Variants in MSH5 observed in about 807,000 individuals in gnomAD.
MSH5 encodes the protein mutS protein homolog 5.
In MSH5, 78 loss-of-function variants were observed where a neutral mutation model predicts 107.7. That is an observed-to-expected ratio of 0.72 (90% CI 0.60 to 0.87). The LOEUF (loss-of-function observed/expected upper bound fraction) is 0.87, where lower values mean the gene tolerates loss of function less well. MSH5 is among the 40% of genes least tolerant of loss of function. The pLI, the probability that MSH5 is intolerant of heterozygous loss-of-function variation, is 0.00. For missense variants in MSH5, 889 were observed against 1,046.6 expected, an observed-to-expected ratio of 0.85 and a Z score of 2.08; for synonymous variants, 326 against 399.5, an observed-to-expected ratio of 0.82 and a Z score of 2.19.
Position 31,758,561 on chromosome 6 carries a change from G to A in MSH5, c.1157G>A (p.Gly386Asp). The change falls in exon 14 of 25, where the codon GGC becomes GAC. Residue 386 changes from glycine (G) to aspartate (D), a missense_variant. Coordinates refer to ENST00000375750, the MANE Select transcript of MSH5 (RefSeq NM_172166.4). This position sits in a 1 kb window ranked among gnomAD's most constrained non-coding sequence, Gnocchi z 5.1. ...SLIGKVVDFE[G>D]SLAENRFTVL... ...TTATCTCCTCAGGTGGACTTTGAGG[G>A]CAGCCTTGCTGAAAATCGCTTCACA... 6.2e-7 allele frequency: 1 copy of A among 1,613,446 alleles called. No homozygotes were observed. The highest frequency in any genetic ancestry group is 1.3e-5 in the African/African-American group (1 of 75,002).
Position 31,762,647 on chromosome 6 carries a change from A to G in MSH5, c.*116A>G. The G allele has an allele frequency of 1.6e-6, 1 of 642,634 alleles. No homozygotes were observed. Among genetic ancestry groups the G allele is most frequent in the Non-Finnish European group, 2.7e-6 (1 of 365,990 alleles). The allele number at this position is 642,634 out of a possible 1,614,324, so 39.8% of individuals were successfully genotyped here. On this transcript the variant is annotated 3_prime_UTR_variant, in exon 25 of 25. Coordinates refer to ENST00000375750, the MANE Select transcript of MSH5 (RefSeq NM_172166.4). ...TTAGTTTCTCTAGAAATTTTGTTTC[A>G]TATTAGGAATAAAGTTTATTTTGAA...
intron 8 of MSH5, 58 bp downstream of exon 8, chr6:31,744,639 C>T (rs1809246388): frequency 1.2e-5 from 19 of 1,554,528 alleles, no homozygotes; most frequent in Non-Finnish European, 1.6e-5. Context: ...AAGTTTAATG[C>T]CCCAATAATC....
In MSH5 at chr6:31,745,320, G is replaced by A. The variant is rs915579566; in HGVS notation, c.766+1G>A. On this transcript the variant is annotated splice_donor_variant, in intron 9 of 24. Coordinates refer to ENST00000375750, the MANE Select transcript of MSH5 (RefSeq NM_172166.4). LOFTEE classifies it high-confidence loss of function. ...CTGAAGGAGGGGCTCAGCCTCTTTG[G>A]TAGGTGTGCCCCATCCCTCATCTCA... 1.2e-6 allele frequency: 2 copies of A among 1,607,866 alleles called. No homozygotes were observed. Among genetic ancestry groups the A allele is most frequent in the African/African-American group, 1.3e-5 (1 of 74,672 alleles).
chr6:31,743,255 C>T, intron 5 of MSH5, 85 bp downstream of exon 5: 4 of 1,403,278 alleles, frequency 2.9e-6, no homozygotes, highest in Non-Finnish European at 4.0e-6. Context: ...TCACAGATCT[C>T]CCCTCTGCCT....
chr6:31,744,491 T>A (rs141362221), intron 7 of MSH5, 55 bp from the exon 8 acceptor site: 9 of 1,589,550 alleles, frequency 5.7e-6, no homozygotes, highest in Non-Finnish European at 7.8e-6. Context: ...ACAAAGGAAG[T>A]GGAGTTGTGG....
intron 10 of MSH5, among the ~76,000 whole-genome samples, chr6:31,751,153 G>A (rs528197757): frequency 2.0e-5 from 3 of 152,092 alleles, no homozygotes; most frequent in South Asian, 2.1e-4. Context: ...CCGCCAACAC[G>A]CCCGGCTAAT....
intron 12 of MSH5, chr6:31,757,709 C>G (rs1460055305): frequency 1.1e-5 from 2 of 178,092 alleles, no homozygotes; most frequent in Admixed American, 1.2e-4. Flanking sequence ...GAGTCTCGCT[C>G]TGTCGGCCAG....
In MSH5 at chr6:31,758,395, A is replaced by C; in HGVS notation, c.1143+102A>C. ...GAAGATATTGAGGTCAATTGGATAA[A>C]GAATGGGATGGTGGGAGGAGGCAGC... is the stretch of plus-strand genomic sequence containing the variant. On this transcript the variant is annotated intron_variant, in intron 13 of 24. Coordinates refer to ENST00000375750, the MANE Select transcript of MSH5 (RefSeq NM_172166.4). The surrounding 1 kb of genome is among the most constrained non-coding windows in gnomAD (Gnocchi z 5.1). The C allele has an allele frequency of 6.4e-7, 1 of 1,574,498 alleles. No individual in the cohort carries two copies.
chr6:31,740,539 C>A lies in MSH5; in HGVS notation c.73C>A (p.Pro25Thr). ...PRPGAASSGF[P>T]SPAPVPGPRE... is the part of the protein sequence containing the mutation. The stretch of plus-strand genomic sequence containing the variant: ...ACCTGGGGCGGCCTCCTCCGGCTTC[C>A]CCAGCCCGGCCCCAGTGCCGGGCCC... Residue 25 changes from proline (P) to threonine (T), a missense_variant, in exon 2 of 25, where the codon CCC becomes ACC. Physicochemically the swap from Pro to Thr is conservative, Grantham distance 38. Around this residue, in one of 3 missense-constraint regions of MSH5, gnomAD observed 518 missense variants for 565.0 expected, o/e 0.92. Transcript: ENST00000375750. This position sits in a 1 kb window ranked among gnomAD's most constrained non-coding sequence, Gnocchi z 4.4. 6.5e-7 allele frequency: 1 copy of A among 1,532,598 alleles called. No homozygotes were observed. The highest frequency in any genetic ancestry group is 8.8e-7 in the Non-Finnish European group (1 of 1,140,474). 94.9% of individuals were successfully genotyped at this position (1,532,598 alleles called of 1,614,324 possible). A position where few individuals can be genotyped will look rare whatever the true frequency, so the allele number is the denominator to read the frequency against.
chr6:31,761,865 G>A lies in MSH5; in HGVS notation c.2229G>A (p.Gln743=). ...GCAACGATCTTGTCTTCTTCTATCA[G>A]GTTTGCGAAGGTGTTGCGAAGGCCA... ...EDGNDLVFFY[Q]VCEGVAKASH... Residue 743 remains glutamine (Q), a synonymous_variant, in exon 23 of 25, where the codon CAG becomes CAA. Coordinates refer to ENST00000375750, the MANE Select transcript of MSH5 (RefSeq NM_172166.4). The surrounding 1 kb of genome is among the most constrained non-coding windows in gnomAD (Gnocchi z 5.3). 6.2e-7 allele frequency: 1 copy of A among 1,613,146 alleles called. No homozygotes were observed. Among genetic ancestry groups the A allele is most frequent in the East Asian group, 2.2e-5 (1 of 44,872 alleles).
rs773937983 is a variant in MSH5 at position 31,743,982 on chromosome 6, T to TC, written c.496dup (p.Leu166ProfsTer10). Reference sequence around the variant, plus strand: ...GACGCCATGACTGCCACTGAGAAAATCCTCTTCCTCTCTTCCATTATTCCC... The same window carrying TC: ...GACGCCATGACTGCCACTGAGAAAATCCCTCTTCCTCTCTTCCATTATTCCC... On this transcript the variant is annotated frameshift_variant, in exon 6 of 25. Coordinates refer to ENST00000375750, the MANE Select transcript of MSH5 (RefSeq NM_172166.4). LOFTEE classifies it high-confidence loss of function. 19 of 1,613,798 alleles carry TC rather than the reference T, an allele frequency of 1.2e-5. No homozygotes were observed. The Admixed American group carries it at 3.2e-4, about 27-fold the overall frequency.
chr6:31,758,578 C>A lies in MSH5; in HGVS notation c.1174C>A (p.Arg392Ser), dbSNP rs772174876. 1 of 1,613,734 alleles carries A rather than the reference C, an allele frequency of 6.2e-7. No individual in the cohort carries two copies. Among genetic ancestry groups the A allele is most frequent in the Admixed American group, 1.7e-5 (1 of 60,002 alleles). ...CTTTGAGGGCAGCCTTGCTGAAAATCGCTTCACAGTCCTCCCCAACATAGA... is the reference window on the plus strand; with the variant it reads ...CTTTGAGGGCAGCCTTGCTGAAAATAGCTTCACAGTCCTCCCCAACATAGA... ...VDFEGSLAEN[R>S]FTVLPNIDPE... Residue 392 changes from arginine to serine, a missense_variant, in exon 14 of 25, where the codon CGC becomes AGC. Arg to Ser is a moderately radical substitution (Grantham distance 110). Around this residue, in one of 3 missense-constraint regions of MSH5, gnomAD observed 518 missense variants for 565.0 expected, o/e 0.92. Coordinates refer to ENST00000375750, the MANE Select transcript of MSH5 (RefSeq NM_172166.4). This position sits in a 1 kb window ranked among gnomAD's most constrained non-coding sequence, Gnocchi z 5.1.
chr6:31,749,370 C>G (rs1331697503), intron 10 of MSH5, among the ~76,000 whole-genome samples: 3 of 151,998 alleles, frequency 2.0e-5, no homozygotes, highest in Non-Finnish European at 1.5e-5. Flanking sequence ...GGTGAAACTT[C>G]ACGTCTACCG....
In MSH5 at chr6:31,762,576, C is replaced by A; in HGVS notation, c.*45C>A. ...CCCAGCCTCCTGAGACTCCGGTGGG[C>A]TGCCATGCCCTCTTTGTTTCCTTAT... On this transcript the variant is annotated 3_prime_UTR_variant, in exon 25 of 25. Transcript: ENST00000375750. 1 of 1,208,972 alleles carries A rather than the reference C, an allele frequency of 8.3e-7. No individual in the cohort carries two copies. Among genetic ancestry groups the A allele is most frequent in the Non-Finnish European group, 1.2e-6 (1 of 824,120 alleles). The allele number at this position is 1,208,972 out of a possible 1,614,324, so 74.9% of individuals were successfully genotyped here. A position where few individuals can be genotyped will look rare whatever the true frequency, so the allele number is the denominator to read the frequency against.
chr6:31,759,127 C>T lies in MSH5; in HGVS notation c.1357C>T (p.Pro453Ser). 2 of 1,613,016 alleles carry T rather than the reference C, an allele frequency of 1.2e-6. No homozygotes were observed. Among genetic ancestry groups the T allele is most frequent in the Non-Finnish European group, 1.7e-6 (2 of 1,180,018 alleles). Residue 453 changes from proline to serine, a missense_variant, in exon 16 of 25, where the codon CCT (proline) becomes TCT (serine). This residue lies in a region of MSH5 where 518 missense variants were observed against 565.0 expected (regional missense o/e 0.92). Transcript: ENST00000375750. The surrounding 1 kb of genome is among the most constrained non-coding windows in gnomAD (Gnocchi z 4.7). Reference protein sequence around the residue: ...IGFLLSIPRLPSMVEASDFEI... With the variant: ...IGFLLSIPRLSSMVEASDFEI... ...CTTCCTTCTTTCTATTCCCCGCCTG[C>T]CTTCCATGGTAGAGGCCAGTGACTT...
In MSH5 at chr6:31,758,947, T is replaced by A; in HGVS notation, c.1326+72T>A. 6.8e-7 allele frequency: 1 copy of A among 1,468,852 alleles called. No homozygotes were observed. The highest frequency in any genetic ancestry group is 9.5e-7 in the Non-Finnish European group (1 of 1,049,958). The allele number at this position is 1,468,852 out of a possible 1,614,324, so 91.0% of individuals were successfully genotyped here. A position where few individuals can be genotyped will look rare whatever the true frequency, so the allele number is the denominator to read the frequency against. On this transcript the variant is annotated intron_variant, in intron 15 of 24. Coordinates refer to ENST00000375750, the MANE Select transcript of MSH5 (RefSeq NM_172166.4). The surrounding 1 kb of genome is among the most constrained non-coding windows in gnomAD (Gnocchi z 5.1). Reference sequence around the variant, plus strand: ...GATATTAGGCTTATGAAAGACATACTGGTAGATAAGAAAACTTGTGGGGCA... The same window carrying A: ...GATATTAGGCTTATGAAAGACATACAGGTAGATAAGAAAACTTGTGGGGCA...
At chr6:31,741,402 A>G in intron 3 of MSH5, 116 bp downstream of exon 3, 2 of 1,384,438 alleles carry the variant, frequency 1.4e-6, no homozygotes, top group Non-Finnish European at 2.0e-6. Context: ...TTTTCTAGAC[A>G]GAGTCTTGCT....
intron 12 of MSH5, among the ~76,000 whole-genome samples, chr6:31,755,966 A>G (rs1311007068): frequency 6.6e-6 from 1 of 150,814 alleles, no homozygotes; most frequent in African/African-American, 2.4e-5. Flanking sequence ...TGCATTTCCT[A>G]GATGTTTTTG....
At chr6:31,742,116 G>A (rs985197574) in intron 3 of MSH5, among the ~76,000 whole-genome samples, 6 of 152,124 alleles carry the variant, frequency 3.9e-5, no homozygotes, top group Non-Finnish European at 8.8e-5. Context: ...ATTTCAACAC[G>A]ATATTTGGCA....
Sources: gnomAD v4.1 joint callset for allele counts (sites outside exome capture counted in the v4.1 genomes callset) on GRCh38, gnomAD v4.1.1 for gene constraint, gnomAD v4.1.1 regional missense constraint, Gnocchi (gnomAD v3.1) non-coding constraint, MANE v1.5 for transcripts, NCBI Gene and HGNC (gene_info 2026-07-23, HGNC 2026-07-21) for gene names.